PRPF39: variants seen among roughly 807,000 people sequenced by gnomAD.
The protein encoded by PRPF39 is pre-mRNA-processing factor 39.
Under a neutral mutation model 82.1 loss-of-function variants are expected in PRPF39, and 27 were observed. The observed-to-expected ratio is 0.33, with a 90% CI of 0.24 to 0.45. The LOEUF is 0.45. Among genes scored for constraint, PRPF39 ranks in the 20% least tolerant of loss-of-function variants. PRPF39 has a pLI of 1.00. For synonymous variants in PRPF39, 261 were observed against 256.4 expected, an observed-to-expected ratio of 1.02 and a Z score of -0.17; for missense variants, 581 against 796.9, an observed-to-expected ratio of 0.73 and a Z score of 3.26.
intron 5 of PRPF39, among the ~76,000 whole-genome samples, chr14:45,103,325 A>C (rs3825627): frequency 0.2 from 31,126 of 152,026 alleles, 6,753 homozygotes; most frequent in African/African-American, 0.55. Context: ...AGTATCCCAT[A>C]AATAAGGATC....
intron 1 of PRPF39, among the ~76,000 whole-genome samples, chr14:45,086,206 G>A (rs1273858960): frequency 6.6e-6 from 1 of 152,104 alleles, no homozygotes; most frequent in Admixed American, 6.5e-5. Context: ...CTCCCAAAGT[G>A]CTGAGATGAC....
chr14:45,112,436 A>C lies in PRPF39; in HGVS notation c.1691A>C (p.Lys564Thr). 6.5e-7 allele frequency: 1 copy of C among 1,547,842 alleles called. No homozygotes were observed. The highest frequency in any genetic ancestry group is 8.6e-7 in the Non-Finnish European group (1 of 1,156,438). ...DKAVHGSLPIKMRITFSQRKV... is the reference protein window; with the variant it reads ...DKAVHGSLPITMRITFSQRKV... ...GCTGTACATGGTTCATTACCTATTA[A>C]AATGAGAATTACATTTTCTCAGAGA... The change falls in exon 11 of 14, where the codon AAA becomes ACA. Residue 564 changes from lysine (K) to threonine (T), a missense_variant. Physicochemically the swap from Lys to Thr is moderately conservative, Grantham distance 78. Transcript: ENST00000355765.
intron 1 of PRPF39, among the ~76,000 whole-genome samples, chr14:45,088,507 G>A (rs776647707): frequency 2.4e-4 from 36 of 152,180 alleles, no homozygotes; most frequent in Non-Finnish European, 3.8e-4. Flanking sequence ...GAAATAGAAT[G>A]TCTGGGCTGT....
intron 1 of PRPF39, among the ~76,000 whole-genome samples, chr14:45,094,643 T>C (rs1332531167): frequency 6.6e-6 from 1 of 152,238 alleles, no homozygotes; most frequent in Non-Finnish European, 1.5e-5. Context: ...ATTTATATCT[T>C]ATATAATAAA....
At position 45,104,339 on chromosome 14, in the gene PRPF39, A is replaced by G. The variant is rs142340572; in HGVS notation, c.737+1643A>G. 1.4e-3 allele frequency among the ~76,000 whole-genome samples: 207 copies of G among 152,340 alleles called. 1 individual carries two copies. The highest frequency in any genetic ancestry group is 4.8e-3 in the African/African-American group (198 of 41,580). ...TTTAGAACCACTTTCCTTATCAGTT[A>G]TAGTGAACTCACAAGTAATCTTTAT... On this transcript the variant is annotated intron_variant, in intron 5 of 13. Transcript: ENST00000355765.
At chr14:45,097,107 T>G in intron 4 of PRPF39, 102 bp downstream of exon 4, 6 of 1,396,930 alleles carry the variant, frequency 4.3e-6, no homozygotes, top group Non-Finnish European at 5.6e-6. Context: ...TTAACTTCTA[T>G]TCCATTGTTA....
At position 45,096,241 on chromosome 14, in the gene PRPF39, C is replaced by G; in HGVS notation, c.450+13C>G. ...ACCATCAGATGAGGTGCGTACATCA[C>G]TGAATAAACTTATCTCCAATAGGTA... On this transcript the variant is annotated intron_variant, in intron 3 of 13. Transcript: ENST00000355765. 1.9e-6 allele frequency: 3 copies of G among 1,575,104 alleles called. No individual in the cohort carries two copies. The highest frequency in any genetic ancestry group is 2.6e-6 in the Non-Finnish European group (3 of 1,160,734).
rs1825589007 is a variant in PRPF39 at position 45,116,080 on chromosome 14, A to C, written c.*1167A>C. 4.2e-6 allele frequency: 3 copies of C among 709,056 alleles called. No individual in the cohort carries two copies. The Admixed American group carries it at 6.9e-5, about 16-fold the overall frequency. The allele number at this position is 709,056 out of a possible 1,614,324, so 43.9% of individuals were successfully genotyped here. A position where few individuals can be genotyped will look rare whatever the true frequency, so the allele number is the denominator to read the frequency against. On this transcript the variant is annotated 3_prime_UTR_variant, in exon 14 of 14. Coordinates refer to ENST00000355765, the MANE Select transcript of PRPF39 (RefSeq NM_017922.4). Reference sequence around the variant, plus strand: ...GTAAACAAATTTTATTAACTCCTTGAATTTTCCAGTTGACTCTTCCTTTAC... The same window carrying C: ...GTAAACAAATTTTATTAACTCCTTGCATTTTCCAGTTGACTCTTCCTTTAC...
At position 45,109,775 on chromosome 14, in the gene PRPF39, A is replaced by T. The variant is rs373701103; in HGVS notation, c.1171A>T (p.Ile391Phe). ...ATGTGCCCTCTATGAGGAGTTTTGG[A>T]TTAAGGTAAGAAAATCATGTGCTCT... Reference protein sequence around the residue: ...ISCALYEEFWIKYAKYMENHS... With the variant: ...ISCALYEEFWFKYAKYMENHS... Residue 391 changes from isoleucine (I) to phenylalanine (F), a missense_variant, in exon 8 of 14, where the codon ATT becomes TTT. Coordinates refer to ENST00000355765, the MANE Select transcript of PRPF39 (RefSeq NM_017922.4). 1 of 1,597,764 alleles carries T rather than the reference A, an allele frequency of 6.3e-7. No homozygotes were observed. The highest frequency in any genetic ancestry group is 8.5e-7 in the Non-Finnish European group (1 of 1,172,592).
intron 1 of PRPF39, among the ~76,000 whole-genome samples, chr14:45,086,846 G>GT (rs57666854): frequency 0.049 from 5,755 of 118,318 alleles, 297 homozygotes; most frequent in African/African-American, 0.12. Context: ...GTGTTTCTCA[G>GT]TTTTTTTTTT....
At chr14:45,104,892 T>A (rs1331764882) in intron 5 of PRPF39, among the ~76,000 whole-genome samples, 2 of 152,160 alleles carry the variant, frequency 1.3e-5, no homozygotes, top group African/African-American at 4.8e-5. Flanking sequence ...GGACTTATAT[T>A]CCCTGAGACC....
At chr14:45,104,435 T>G (rs971228038) in intron 5 of PRPF39, among the ~76,000 whole-genome samples, 2 of 152,182 alleles carry the variant, frequency 1.3e-5, no homozygotes, top group African/African-American at 4.8e-5. Flanking sequence ...TGTTTTGTTT[T>G]TTTTTTCCAT....
In PRPF39 at chr14:45,102,668, A is replaced by T; in HGVS notation, c.709A>T (p.Thr237Ser). 6.2e-7 allele frequency: 1 copy of T among 1,609,766 alleles called. No homozygotes were observed. Among genetic ancestry groups the T allele is most frequent in the Non-Finnish European group, 8.5e-7 (1 of 1,178,296 alleles). ...AIYDRILGIP[T>S]QLYSHHFQRF... ...ATATGATCGTATTCTTGGTATTCCA[A>T]CACAGCTGTATAGTCATCATTTTCA... is the stretch of plus-strand genomic sequence containing the variant. The change falls in exon 5 of 14, where the codon ACA becomes TCA. Residue 237 changes from threonine to serine, a missense_variant. Physicochemically the swap from Thr to Ser is moderately conservative, Grantham distance 58. Coordinates refer to ENST00000355765, the MANE Select transcript of PRPF39 (RefSeq NM_017922.4).
intron 1 of PRPF39, among the ~76,000 whole-genome samples, chr14:45,092,057 G>A (rs1884045913): frequency 6.6e-6 from 1 of 152,192 alleles, no homozygotes; most frequent in South Asian, 2.1e-4. Context: ...TCCAAGGTAA[G>A]AATAAATTGG....
chr14:45,110,586 T>C lies in PRPF39; in HGVS notation c.1341T>C (p.Phe447=). 6.4e-7 allele frequency: 1 copy of C among 1,566,482 alleles called. No homozygotes were observed. Among genetic ancestry groups the C allele is most frequent in the Non-Finnish European group, 8.7e-7 (1 of 1,154,056 alleles). The change falls in exon 10 of 14, where the codon TTT becomes TTC. Residue 447 remains phenylalanine, a synonymous_variant. Coordinates refer to ENST00000355765, the MANE Select transcript of PRPF39 (RefSeq NM_017922.4). This position sits in a 1 kb window ranked among gnomAD's most constrained non-coding sequence, Gnocchi z 4.0. ...INEARNILKT[F]EECVLGLAMV... ...AAGCCAGGAATATCTTGAAAACATTTGAAGAATGTGTTCTAGGATTGGCAA... is the reference window on the plus strand; with the variant it reads ...AAGCCAGGAATATCTTGAAAACATTCGAAGAATGTGTTCTAGGATTGGCAA...
chr14:45,107,682 A>C, intron 6 of PRPF39, 66 bp downstream of exon 6: 1 of 1,467,230 alleles, frequency 6.8e-7, no homozygotes, highest in Non-Finnish European at 9.2e-7. Context: ...TAATCGCAGC[A>C]CTTTGGGAGG....
intron 5 of PRPF39, among the ~76,000 whole-genome samples, chr14:45,103,789 A>C (rs533210424): frequency 6.6e-6 from 1 of 152,208 alleles, no homozygotes; most frequent in Non-Finnish European, 1.5e-5. Flanking sequence ...ACATAAGTAC[A>C]AAAGTACTTA....
Position 45,109,806 on chromosome 14 carries a change from T to G in PRPF39, c.1176+26T>G, listed in dbSNP as rs554078002. The G allele has an allele frequency of 1.3e-5, 21 of 1,564,250 alleles. No homozygotes were observed. In the East Asian group the frequency reaches 4.6e-4, roughly 34 times the overall value. ...GTAAGAAAATCATGTGCTCTTAAAC[T>G]TGAATATATTATAAACATTGATCTA... On this transcript the variant is annotated intron_variant, in intron 8 of 13. Transcript: ENST00000355765.
chr14:45,094,761 C>A (rs1399927866), intron 1 of PRPF39, among the ~76,000 whole-genome samples: 1 of 152,088 alleles, frequency 6.6e-6, no homozygotes, highest in Non-Finnish European at 1.5e-5. Flanking sequence ...GATGAGCTTC[C>A]TTTTGAAATG....
Sources: gnomAD v4.1 joint callset for allele counts (sites outside exome capture counted in the v4.1 genomes callset) on GRCh38, gnomAD v4.1.1 for gene constraint, Gnocchi (gnomAD v3.1) non-coding constraint, MANE v1.5 for transcripts, NCBI Gene and HGNC (gene_info 2026-07-23, HGNC 2026-07-21) for gene names.